EXOC4: variants seen among roughly 807,000 people sequenced by gnomAD.
The protein encoded by EXOC4 is SEC8-like 1.
In EXOC4, 71 loss-of-function variants were observed where a neutral mutation model predicts 107.2. The observed-to-expected ratio is 0.66, with a 90% confidence interval of 0.55 to 0.81. EXOC4 has a LOEUF of 0.81. Among genes scored for constraint, EXOC4 ranks in the 30% least tolerant of loss-of-function variants. EXOC4 has a pLI of 0.00. For synonymous variants in EXOC4, 456 were observed against 441.2 expected (o/e 1.03, Z -0.42); for missense variants, 1,108 against 1,189.6 (o/e 0.93, Z 1.01).
chr7:133,389,847 CG>C (rs1370717704), intron 7 of EXOC4, among the ~76,000 whole-genome samples: 1 of 144,782 alleles, frequency 6.9e-6, no homozygotes, highest in African/African-American at 2.6e-5. Context: ...ACAATCATGG[CG>C]GAACGCAAGG....
At chr7:133,938,154 T>C in intron 14 of EXOC4, 85 bp downstream of exon 14, 1 of 1,371,430 alleles carries the variant, frequency 7.3e-7, no homozygotes, top group Non-Finnish European at 1.0e-6. Context: ...TGTACACTGG[T>C]CACCGTATGG....
chr7:133,556,086 C>T (rs978426801), intron 9 of EXOC4, among the ~76,000 whole-genome samples: 1 of 152,180 alleles, frequency 6.6e-6, no homozygotes, highest in Non-Finnish European at 1.5e-5. Context: ...CTAGAAGGCT[C>T]TTTATTGGGA....
At chr7:133,338,806 T>G (rs1795590981) in intron 5 of EXOC4, among the ~76,000 whole-genome samples, 1 of 136,284 alleles carries the variant, frequency 7.3e-6, no homozygotes, top group Non-Finnish European at 1.5e-5. Flanking sequence ...CAGGCTGGAG[T>G]GCAATGGGGC....
chr7:134,020,457 G>A (rs936487603), intron 17 of EXOC4, among the ~76,000 whole-genome samples: 2 of 152,078 alleles, frequency 1.3e-5, no homozygotes, highest in Non-Finnish European at 2.9e-5. Context: ...GGCAGCAAAA[G>A]TAAAAATAAC....
At chr7:133,385,663 A>T (rs774604142) in intron 7 of EXOC4, among the ~76,000 whole-genome samples, 27 of 152,292 alleles carry the variant, frequency 1.8e-4, no homozygotes, top group Non-Finnish European at 3.7e-4. Flanking sequence ...AGTTTGTCGT[A>T]TTGCTCCCCA....
At chr7:133,308,966 C>T (rs981107722) in intron 4 of EXOC4, among the ~76,000 whole-genome samples, 23 of 152,156 alleles carry the variant, frequency 1.5e-4, no homozygotes, top group Admixed American at 1.5e-3. Flanking sequence ...ATTTTGCAAG[C>T]TGTTGAATGG....
chr7:133,414,703 G>A (rs1797435037), intron 7 of EXOC4, among the ~76,000 whole-genome samples: 2 of 152,150 alleles, frequency 1.3e-5, no homozygotes, highest in Admixed American at 1.3e-4. Flanking sequence ...TATATGTAAT[G>A]TAACTATTAT....
chr7:133,866,481 G>A (rs540736879), intron 11 of EXOC4, among the ~76,000 whole-genome samples: 1 of 152,318 alleles, frequency 6.6e-6, no homozygotes, highest in African/African-American at 2.4e-5. Context: ...AAGAGATAAT[G>A]TAGCTAGAGA....
rs116422814 is a variant in EXOC4, at chr7:133,634,317, C to G, written c.1514+4176C>G. ...TATCCCTTTACTTGTTTATTTAATG[C>G]TTTCCTTATTGTTTTTTCTTTACAG... is the stretch of plus-strand genomic sequence containing the variant. On this transcript the variant is annotated intron_variant, in intron 10 of 17. Transcript: ENST00000253861. 5.1e-3 allele frequency among the ~76,000 whole-genome samples: 780 copies of G among 152,246 alleles called. 5 individuals carry two copies. The highest frequency in any genetic ancestry group is 0.017 in the Middle Eastern group (5 of 294).
intron 11 of EXOC4, among the ~76,000 whole-genome samples, chr7:133,853,345 A>ACACACAC (rs1798277513): frequency 8.7e-6 from 1 of 115,486 alleles, no homozygotes. Context: ...CTCTCTCTTT[A>ACACACAC]ACACACACAC....
intron 13 of EXOC4, among the ~76,000 whole-genome samples, chr7:133,934,258 C>T (rs990364697): frequency 6.6e-6 from 1 of 152,154 alleles, no homozygotes; most frequent in Admixed American, 6.5e-5. Context: ...TAAAAACCTT[C>T]CACCAAGCTC....
At chr7:133,354,217 G>T (rs898939334) in intron 5 of EXOC4, among the ~76,000 whole-genome samples, 4 of 151,050 alleles carry the variant, frequency 2.6e-5, no homozygotes, top group Admixed American at 2.0e-4. Flanking sequence ...GTGATTTTTT[G>T]TTGTTGTTGA....
At chr7:134,014,199 C>G (rs1388375738) in intron 17 of EXOC4, among the ~76,000 whole-genome samples, 1 of 152,146 alleles carries the variant, frequency 6.6e-6, no homozygotes, top group South Asian at 2.1e-4. Context: ...GTCAGGAGAT[C>G]GAGACCATCC....
At chr7:133,430,577 A>G (rs1584911750) in intron 7 of EXOC4, among the ~76,000 whole-genome samples, 1 of 152,178 alleles carries the variant, frequency 6.6e-6, no homozygotes, top group Non-Finnish European at 1.5e-5. Flanking sequence ...TGCTATAAAA[A>G]TTTGTATGCA....
chr7:133,510,717 T>C (rs760688030), intron 9 of EXOC4, among the ~76,000 whole-genome samples: 2 of 152,204 alleles, frequency 1.3e-5, no homozygotes, highest in Admixed American at 6.5e-5. Flanking sequence ...TAATGCACTG[T>C]GGGTGGTGAT....
chr7:133,495,131 A>G (rs1799447601), intron 9 of EXOC4, among the ~76,000 whole-genome samples: 1 of 152,040 alleles, frequency 6.6e-6, no homozygotes. Context: ...ACATATCTGT[A>G]ATCCCAGCTA....
chr7:133,368,570 C>T (rs1247936836), intron 6 of EXOC4, among the ~76,000 whole-genome samples: 1 of 152,064 alleles, frequency 6.6e-6, no homozygotes, highest in Non-Finnish European at 1.5e-5. Flanking sequence ...TTGTATGTAG[C>T]TCTCACAGTC....
intron 7 of EXOC4, among the ~76,000 whole-genome samples, chr7:133,435,650 T>C (rs1797954147): frequency 6.6e-6 from 1 of 152,200 alleles, no homozygotes; most frequent in South Asian, 2.1e-4. Flanking sequence ...GGTATTCTTC[T>C]GTTAACAATG....
intron 9 of EXOC4, among the ~76,000 whole-genome samples, chr7:133,496,641 T>TG (rs1799481810): frequency 6.6e-6 from 1 of 152,202 alleles, no homozygotes; most frequent in African/African-American, 2.4e-5. Context: ...TTCAACTTTT[T>TG]GTAATTTTTT....
Sources: allele counts gnomAD v4.1 joint callset (sites outside exome capture counted in the v4.1 genomes callset), GRCh38; gene constraint gnomAD v4.1.1; transcripts MANE v1.5; gene names NCBI Gene and HGNC (gene_info 2026-07-23, HGNC 2026-07-21).